KDELR1: variants seen among roughly 807,000 people sequenced by gnomAD.
KDELR1 encodes the protein KDEL endoplasmic reticulum protein retention receptor 1, also known as ER lumen protein-retaining receptor 1.
In KDELR1, 16 loss-of-function variants were observed where a neutral mutation model predicts 25.5. That is an observed-to-expected ratio of 0.63 (90% CI 0.43 to 0.95). The LOEUF (loss-of-function observed/expected upper bound fraction) is 0.95. KDELR1 is among the 40% of genes least tolerant of loss of function. The pLI, the probability that KDELR1 is intolerant of heterozygous loss-of-function variation, is 0.00. For synonymous variants in KDELR1, 121 were observed against 115.0 expected (o/e 1.05, Z -0.33); for missense variants, 159 against 265.2 (o/e 0.60, Z 2.78).
Position 48,389,638 on chromosome 19 carries a change from T to C in KDELR1, c.266A>G (p.Asn89Ser). The change falls in exon 3 of 5, where the codon AAC becomes AGC. Residue 89 changes from asparagine (N) to serine (S), a missense_variant. Transcript: ENST00000330720. ...GAACTCCACTCTGAACGTGTCATGG[T>C]TCCCATCGTAAGTAGCTTTGAACTT... ...YSKFKATYDG[N>S]HDTFRVEFLV... 1.2e-6 allele frequency: 2 copies of C among 1,614,130 alleles called. No homozygotes were observed. The highest frequency in any genetic ancestry group is 8.5e-7 in the Non-Finnish European group (1 of 1,179,984).
upstream of KDELR1, among the ~76,000 whole-genome samples, chr19:48,394,629 C>T (rs1440240025): frequency 6.6e-6 from 1 of 152,128 alleles, no homozygotes; most frequent in African/African-American, 2.4e-5. This position sits in a 1 kb window ranked among gnomAD's most constrained non-coding sequence, Gnocchi z 5.1. Context: ...CCCCGACAGC[C>T]TCTGCAATGT....
intron 3 of KDELR1, among the ~76,000 whole-genome samples, chr19:48,387,222 A>G (rs1970504206): frequency 6.6e-6 from 1 of 151,996 alleles, no homozygotes; most frequent in East Asian, 1.9e-4. Flanking sequence ...AAGGGCTTGG[A>G]TAAGTGATCC....
upstream of KDELR1, among the ~76,000 whole-genome samples, chr19:48,395,579 G>A (rs905132687): frequency 2.6e-5 from 4 of 152,048 alleles, no homozygotes; most frequent in African/African-American, 9.7e-5. Flanking sequence ...GCTGTTGATC[G>A]AAGTGGCCGC....
intron 3 of KDELR1, among the ~76,000 whole-genome samples, chr19:48,386,159 G>A (rs1025159404): frequency 4.6e-5 from 7 of 151,284 alleles, no homozygotes; most frequent in Admixed American, 3.3e-4. Flanking sequence ...TGTCACCCAG[G>A]CTGGAGTGCA....
intron 1 of KDELR1, among the ~76,000 whole-genome samples, chr19:48,391,015 G>A (rs980187298): frequency 2.6e-5 from 4 of 152,040 alleles, no homozygotes; most frequent in Non-Finnish European, 4.4e-5. Flanking sequence ...TGAACCCTCG[G>A]GCTGCCCAGA....
intron 1 of KDELR1, 65 bp downstream of exon 1, chr19:48,391,203 C>A (rs1970546855): frequency 1.4e-6 from 2 of 1,401,668 alleles, no homozygotes; most frequent in East Asian, 5.0e-5. Flanking sequence ...CTTCCTGAGT[C>A]CTGCGACGTC....
At chr19:48,394,262 G>A (rs974025013), upstream of KDELR1, among the ~76,000 whole-genome samples, 3 of 151,864 alleles carry the variant, frequency 2.0e-5, no homozygotes, top group African/African-American at 4.8e-5. The surrounding 1 kb of genome is among the most constrained non-coding windows in gnomAD (Gnocchi z 5.1). Flanking sequence ...GAGATCGTGC[G>A]TGTGTGCGTG....
Position 48,391,268 on chromosome 19 carries a change from C to T in KDELR1, c.91G>A (p.Gly31Arg), listed in dbSNP as rs1970547688. ...TCGCCAGCCCTGGTGGGCCTCTCAC[C>T]GGCGCACGAGCGGGACTTCCAGATT... The part of the protein sequence containing the change: ...LKIWKSRSCA[G>R]ISGKSQVLFA... The change falls in exon 1 of 5, where the codon GGA (glycine) becomes AGA (arginine). Residue 31 changes from glycine to arginine, a missense_variant and splice_region_variant. Gly to Arg is a moderately radical substitution (Grantham distance 125). Coordinates refer to ENST00000330720, the MANE Select transcript of KDELR1 (RefSeq NM_006801.3). The T allele has an allele frequency of 6.4e-7, 1 of 1,553,744 alleles. No individual in the cohort carries two copies. The highest frequency in any genetic ancestry group is 8.7e-7 in the Non-Finnish European group (1 of 1,148,138).
chr19:48,387,564 C>G (rs1467817614), intron 3 of KDELR1, among the ~76,000 whole-genome samples: 3 of 151,952 alleles, frequency 2.0e-5, no homozygotes, highest in African/African-American at 4.8e-5. Context: ...CACCTGTAAT[C>G]CCAGCTACTC....
rs538915656 is a variant in KDELR1 at position 48,384,369 on chromosome 19, T to C, written c.465A>G (p.Leu155=). The C allele has an allele frequency of 1.2e-4, 197 of 1,614,222 alleles. No homozygotes were observed. The South Asian group carries it at 2.0e-3, about 17-fold the overall frequency. Residue 155 remains leucine (L), a synonymous_variant, in exon 4 of 5, where the codon CTA becomes CTG. Transcript: ENST00000330720. The surrounding 1 kb of genome is among the most constrained non-coding windows in gnomAD (Gnocchi z 4.6). ...ETITSHYLFA[L]GVYRTLYLFN... The stretch of plus-strand genomic sequence containing the variant: ...AGAGATAGAGCGTGCGGTAAACGCC[T>C]AGCGCAAACAAGTAGTGGCTGGTGA...
chr19:48,388,923 A>G (rs1305794579), intron 3 of KDELR1, among the ~76,000 whole-genome samples: 2 of 86,352 alleles, frequency 2.3e-5, no homozygotes, highest in African/African-American at 1.1e-4. Flanking sequence ...AAAGAAAGAA[A>G]GAAAGAAGGA....
At chr19:48,396,178 C>CG (rs1569056410), upstream of KDELR1, among the ~76,000 whole-genome samples, 5 of 145,860 alleles carry the variant, frequency 3.4e-5, no homozygotes, top group African/African-American at 5.1e-5. Context: ...GAGATGGAGG[C>CG]GGGGGGAGCG....
In KDELR1 at chr19:48,391,462, A is replaced by AGAGG; in HGVS notation, c.-108_-105dup. The AGAGG allele has an allele frequency of 1.1e-6, 1 of 876,640 alleles. No individual in the cohort carries two copies. Among genetic ancestry groups the AGAGG allele is most frequent in the Non-Finnish European group, 1.8e-6 (1 of 546,592 alleles). 54.3% of individuals were successfully genotyped at this position (876,640 alleles called of 1,614,324 possible). ...CGGGTAGCTGGGCTGGGGGGACGGAAGAGGGACCCTAGGTGCGCTCCGCTC... is the reference window on the plus strand; with the variant it reads ...CGGGTAGCTGGGCTGGGGGGACGGAAGAGGGAGGGACCCTAGGTGCGCTCCGCTC... On this transcript the variant is annotated 5_prime_UTR_variant, in exon 1 of 5. Transcript: ENST00000330720.
At position 48,384,390 on chromosome 19, in the gene KDELR1, G is replaced by A; in HGVS notation, c.444C>T (p.Thr148=). Residue 148 remains threonine, a synonymous_variant, in exon 4 of 5, where the codon ACC becomes ACT. Coordinates refer to ENST00000330720, the MANE Select transcript of KDELR1 (RefSeq NM_006801.3). This position sits in a 1 kb window ranked among gnomAD's most constrained non-coding sequence, Gnocchi z 4.6. ...CGCCTAGCGCAAACAAGTAGTGGCT[G>A]GTGATGGTCTCCGCCTCGCCGGTCT... ...VSKTGEAETI[T]SHYLFALGVY... The A allele has an allele frequency of 6.2e-7, 1 of 1,614,152 alleles. No individual in the cohort carries two copies. Among genetic ancestry groups the A allele is most frequent in the Non-Finnish European group, 8.5e-7 (1 of 1,180,010 alleles).
intron 3 of KDELR1, chr19:48,389,332 G>A: frequency 5.4e-6 from 3 of 558,918 alleles, no homozygotes; most frequent in Admixed American, 3.0e-5. Flanking sequence ...GCTGAGAAAA[G>A]TAAGTAGGTG....
intron 3 of KDELR1, among the ~76,000 whole-genome samples, chr19:48,385,700 G>A (rs958501810): frequency 6.6e-6 from 1 of 152,214 alleles, no homozygotes; most frequent in African/African-American, 2.4e-5. Context: ...GGTGGCAGGT[G>A]TGGCTCCTTG....
At chr19:48,391,230 C>T in intron 1 of KDELR1, 38 bp downstream of exon 1, 1 of 1,537,044 alleles carries the variant, frequency 6.5e-7, no homozygotes, top group Non-Finnish European at 8.8e-7. Context: ...CCCCCGCCCG[C>T]AATCTCTCTC....
At chr19:48,389,525 A>T (rs776485770) in intron 3 of KDELR1, 28 bp downstream of exon 3, 1 of 1,613,064 alleles carries the variant, frequency 6.2e-7, no homozygotes, top group South Asian at 1.1e-5. Flanking sequence ...CCATCCCCCC[A>T]AATAAGGAGT....
chr19:48,396,831 G>A, the KDELR1 span, among the ~76,000 whole-genome samples: 6 of 152,120 alleles, frequency 3.9e-5, no homozygotes, highest in Middle Eastern at 6.8e-3. Flanking sequence ...CAACCAGACA[G>A]GAGCATGACA....
Sources: gnomAD v4.1 joint callset for allele counts (sites outside exome capture counted in the v4.1 genomes callset) on GRCh38, gnomAD v4.1.1 for gene constraint, Gnocchi (gnomAD v3.1) non-coding constraint, MANE v1.5 for transcripts, NCBI Gene and HGNC (gene_info 2026-07-23, HGNC 2026-07-21) for gene names.